PCDH15: variants seen among roughly 807,000 people sequenced by gnomAD.
PCDH15 encodes protocadherin-15.
PCDH15 carries 129 observed loss-of-function variants against 178.5 expected under a neutral mutation model. The observed-to-expected ratio is 0.72, with a 90% CI of 0.63 to 0.84. The LOEUF (loss-of-function observed/expected upper bound fraction) is 0.84. Ranked by LOEUF, PCDH15 falls within the 40% of genes least tolerant of loss-of-function variation. The pLI is 0.00. For missense variants in PCDH15, 2,230 were observed against 2,099.9 expected (o/e 1.06, Z -1.21); for synonymous variants, 800 against 732.0 (o/e 1.09, Z -1.50).
At chr10:53,916,029 T>A (rs963402498) in intron 25 of PCDH15, among the ~76,000 whole-genome samples, 2 of 152,164 alleles carry the variant, frequency 1.3e-5, no homozygotes, top group African/African-American at 4.8e-5. Context: ...CCATAGTATT[T>A]GCATATAACA....
At chr10:54,373,719 CATAA>C (rs1948016205) in intron 4 of PCDH15, among the ~76,000 whole-genome samples, 1 of 151,930 alleles carries the variant, frequency 6.6e-6, no homozygotes, top group Non-Finnish European at 1.5e-5. Flanking sequence ...ATGAGGTGAT[CATAA>C]ATAAAGTCAG....
chr10:55,439,651 G>A (rs1178196698), intron 2 of PCDH15, among the ~76,000 whole-genome samples: 1 of 151,658 alleles, frequency 6.6e-6, no homozygotes, highest in Non-Finnish European at 1.5e-5. Context: ...TTAATATGGT[G>A]ACAAAATAGA....
Position 55,290,958 on chromosome 10 carries a change from T to C in PCDH15, c.-156+28641A>G, listed in dbSNP as rs553237571. Among the ~76,000 whole-genome samples the C allele has an allele frequency of 2.0e-5, 3 of 152,298 alleles. No individual in the cohort carries two copies. The South Asian group carries it at 6.2e-4, about 32-fold the overall frequency. On this transcript the variant is annotated intron_variant, in intron 1 of 5. Transcript: ENST00000458638. ...AACTGAAAAATTCTAAGTGTCTTCCTTAAATTCCCAACACAACATTTTTAG... is the reference window on the plus strand; with the variant it reads ...AACTGAAAAATTCTAAGTGTCTTCCCTAAATTCCCAACACAACATTTTTAG...
chr10:54,979,918 AT>A (rs1213868270), intron 2 of PCDH15, among the ~76,000 whole-genome samples: 4 of 152,242 alleles, frequency 2.6e-5, no homozygotes, highest in Admixed American at 6.5e-5. Context: ...GATATATAAA[AT>A]TGTAGAATTG....
chr10:54,118,193 C>G (rs1001027925), intron 15 of PCDH15, among the ~76,000 whole-genome samples: 1 of 152,058 alleles, frequency 6.6e-6, no homozygotes, highest in East Asian at 1.9e-4. Flanking sequence ...GAAAAACAAA[C>G]CCATATACTA....
chr10:54,461,557 T>A (rs941317660), intron 3 of PCDH15, among the ~76,000 whole-genome samples: 3 of 152,158 alleles, frequency 2.0e-5, no homozygotes, highest in Non-Finnish European at 1.5e-5. Flanking sequence ...TATAAGCATA[T>A]ATAGCAACAC....
At chr10:55,356,398 C>T (rs1161165479) in intron 2 of PCDH15, among the ~76,000 whole-genome samples, 1 of 151,788 alleles carries the variant, frequency 6.6e-6, no homozygotes, top group East Asian at 1.9e-4. Flanking sequence ...TTGCCTCAAA[C>T]AGTGGTTATG....
intron 9 of PCDH15, among the ~76,000 whole-genome samples, chr10:54,222,134 T>A (rs992469886): frequency 6.6e-6 from 1 of 152,250 alleles, no homozygotes; most frequent in Non-Finnish European, 1.5e-5. Context: ...CCTCTCTGAA[T>A]GAATCTATGC....
At chr10:55,355,685 A>G (rs1845058648) in intron 2 of PCDH15, among the ~76,000 whole-genome samples, 1 of 151,992 alleles carries the variant, frequency 6.6e-6, no homozygotes, top group African/African-American at 2.4e-5. Flanking sequence ...GTTTTCTCTC[A>G]GTTTGTAGCT....
intron 19 of PCDH15, among the ~76,000 whole-genome samples, 160 bp from the exon 20 acceptor site, chr10:54,020,576 T>G (rs970774964): frequency 2.0e-5 from 3 of 151,576 alleles, no homozygotes; most frequent in Middle Eastern, 3.2e-3. Flanking sequence ...CATTATTTAA[T>G]AATTTACCAG....
chr10:54,335,146 T>G (rs1940797106), intron 6 of PCDH15, among the ~76,000 whole-genome samples: 1 of 152,196 alleles, frequency 6.6e-6, no homozygotes, highest in South Asian at 2.1e-4. Flanking sequence ...AGTAAGGCTA[T>G]GCAATTTTTG....
intron 2 of PCDH15, among the ~76,000 whole-genome samples, chr10:55,601,267 C>T (rs913956441): frequency 1.3e-5 from 2 of 152,120 alleles, no homozygotes; most frequent in Non-Finnish European, 1.5e-5. Flanking sequence ...GAATTCTATC[C>T]TAAGAAGTTA....
intron 2 of PCDH15, chr10:55,506,131 T>A (rs1840754247): frequency 6.6e-6 from 1 of 151,398 alleles, no homozygotes; most frequent in Non-Finnish European, 1.5e-5. Flanking sequence ...AGATTAGAGG[T>A]AGAAAATGAG....
intron 3 of PCDH15, among the ~76,000 whole-genome samples, chr10:54,408,684 A>G (rs1200806343): frequency 2.6e-5 from 4 of 152,172 alleles, no homozygotes; most frequent in Non-Finnish European, 5.9e-5. Flanking sequence ...AATTGCAGCT[A>G]TGATTCTATG....
At chr10:55,039,673 A>T (rs1840818407) in intron 2 of PCDH15, among the ~76,000 whole-genome samples, 1 of 152,152 alleles carries the variant, frequency 6.6e-6, no homozygotes, top group Non-Finnish European at 1.5e-5. Flanking sequence ...TTTCTTATTG[A>T]GAAAACTTGA....
At chr10:53,949,284 G>T (rs1339974727) in intron 23 of PCDH15, among the ~76,000 whole-genome samples, 1 of 152,174 alleles carries the variant, frequency 6.6e-6, no homozygotes, top group African/African-American at 2.4e-5. Context: ...AAAAAGACAG[G>T]AAAGGCTATC....
At chr10:54,953,458 T>C (rs1838397196) in intron 2 of PCDH15, among the ~76,000 whole-genome samples, 1 of 150,326 alleles carries the variant, frequency 6.7e-6, no homozygotes, top group Admixed American at 6.6e-5. Context: ...AACAGGAATT[T>C]ATTTCCCGGT....
chr10:54,146,395 G>C (rs2043905899), intron 14 of PCDH15, among the ~76,000 whole-genome samples: 1 of 151,836 alleles, frequency 6.6e-6, no homozygotes, highest in East Asian at 1.9e-4. Flanking sequence ...TGGGGAGAGA[G>C]AGTGTCTCTT....
chr10:55,195,862 T>C (rs1840081088), intron 1 of PCDH15, among the ~76,000 whole-genome samples: 1 of 152,070 alleles, frequency 6.6e-6, no homozygotes, highest in African/African-American at 2.4e-5. Flanking sequence ...AATCCCACTG[T>C]TTATCTTACT....
Sources: allele counts gnomAD v4.1 joint callset (sites outside exome capture counted in the v4.1 genomes callset), GRCh38; gene constraint gnomAD v4.1.1; transcripts MANE v1.5; gene names NCBI Gene and HGNC (gene_info 2026-07-23, HGNC 2026-07-21).